Variants in CSRP2 observed in about 807,000 individuals in gnomAD.
The protein encoded by CSRP2 is cysteine and glycine rich protein 2, also known as cysteine and glycine-rich protein 2.
In CSRP2, 18 loss-of-function variants were observed where a neutral mutation model predicts 24.6. The ratio of observed to expected loss-of-function variants is 0.73; its 90% CI spans 0.51 to 1.09. The LOEUF is 1.09. Among genes scored for constraint, CSRP2 ranks in the 50% least tolerant of loss-of-function variants. The probability of loss-of-function intolerance (pLI) is 0.00; values close to 1 mark genes in which losing one functional copy is unlikely to be tolerated. For missense variants in CSRP2, 215 were observed against 239.4 expected, an observed-to-expected ratio of 0.90 and a Z score of 0.67; for synonymous variants, 87 against 84.3, an observed-to-expected ratio of 1.03 and a Z score of -0.18.
chr12:76,868,940 A>AAG (rs201186505), intron 1 of CSRP2, among the ~76,000 whole-genome samples: 2,005 of 148,772 alleles, frequency 0.013, 43 homozygotes, highest in African/African-American at 0.047. Context: ...CTCAAAAGAA[A>AAG]AAAAAAAAAA....
chr12:76,868,110 TGATG>T (rs1299896618), intron 1 of CSRP2, among the ~76,000 whole-genome samples: 1 of 152,224 alleles, frequency 6.6e-6, no homozygotes, highest in Non-Finnish European at 1.5e-5. Context: ...GGTCTCCTGG[TGATG>T]GATGGGCCAC....
chr12:76,877,098 C>T (rs1352139697), intron 1 of CSRP2, among the ~76,000 whole-genome samples: 1 of 152,214 alleles, frequency 6.6e-6, no homozygotes, highest in Non-Finnish European at 1.5e-5. Flanking sequence ...ATAGGGGGCT[C>T]CCTTTTGGGG....
At chr12:76,873,801 C>T (rs1216453709) in intron 1 of CSRP2, among the ~76,000 whole-genome samples, 1 of 152,150 alleles carries the variant, frequency 6.6e-6, no homozygotes, top group African/African-American at 2.4e-5. Context: ...TTCCTTATCC[C>T]CCAAACCCTC....
chr12:76,877,169 C>T (rs771329748), intron 1 of CSRP2, among the ~76,000 whole-genome samples: 10 of 152,196 alleles, frequency 6.6e-5, no homozygotes, highest in Non-Finnish European at 1.5e-4. Context: ...ATCACTATAG[C>T]AATTTAGTGT....
Position 76,866,219 on chromosome 12 carries a change from C to T in CSRP2, c.42G>A (p.Gly14=), listed in dbSNP as rs1250833374. ...CCTCTTCTGCGTGGTACACGGTCCT[C>T]CCACAGGCCCCACACTTGTTTCCAC... ...WGGGNKCGAC[G]RTVYHAEEVQ... Residue 14 remains glycine (G), a synonymous_variant, in exon 2 of 6, where the codon GGG becomes GGA. Transcript: ENST00000311083. The T allele has an allele frequency of 6.2e-7, 1 of 1,614,004 alleles. No homozygotes were observed. The highest frequency in any genetic ancestry group is 8.5e-7 in the Non-Finnish European group (1 of 1,180,024).
chr12:76,859,437 A>C (rs1259063815), intron 5 of CSRP2, 110 bp downstream of exon 5: 1 of 731,066 alleles, frequency 1.4e-6, no homozygotes, highest in African/African-American at 1.8e-5. Flanking sequence ...TTATTTTCAG[A>C]AAATAGTGGC....
chr12:76,859,235 T>A (rs1478247891), intron 5 of CSRP2, among the ~76,000 whole-genome samples: 5 of 152,244 alleles, frequency 3.3e-5, no homozygotes, highest in African/African-American at 2.4e-5. Context: ...TTCAGCGTGG[T>A]CCTGCTGAGT....
intron 1 of CSRP2, among the ~76,000 whole-genome samples, chr12:76,870,446 C>T (rs1206380912): frequency 2.6e-5 from 4 of 152,204 alleles, no homozygotes; most frequent in Non-Finnish European, 1.5e-5. Flanking sequence ...GTAAATGTGT[C>T]AGCTTTTCAG....
At chr12:76,872,117 G>T (rs1177831305) in intron 1 of CSRP2, among the ~76,000 whole-genome samples, 1 of 152,178 alleles carries the variant, frequency 6.6e-6, no homozygotes, top group Non-Finnish European at 1.5e-5. Flanking sequence ...TCTCAGTCTT[G>T]TTCCTTGTTT....
chr12:76,873,203 C>T (rs1953819004), intron 1 of CSRP2, among the ~76,000 whole-genome samples: 1 of 152,196 alleles, frequency 6.6e-6, no homozygotes, highest in Admixed American at 6.5e-5. Context: ...TGACTATAAT[C>T]CAATTTCCCC....
chr12:76,866,303 C>T (rs767971178), intron 1 of CSRP2, 42 bp from the exon 2 acceptor site: 16 of 1,519,382 alleles, frequency 1.1e-5, no homozygotes, highest in East Asian at 2.3e-5. Context: ...CTGTGCTGGT[C>T]GTACGGCTCC....
chr12:76,863,234 G>A lies in CSRP2; in HGVS notation c.223C>T (p.Gln75Ter). Residue 75 changes from glutamine (Q) to a stop codon, truncating the protein, a stop_gained, in exon 3 of 6, where the codon CAG (glutamine) becomes TAG (stop). Coordinates refer to ENST00000311083, the MANE Select transcript of CSRP2 (RefSeq NM_001321.3). LOFTEE classifies it high-confidence loss of function. ...TCCATGTTAAGCGTGCCAGCGCCCT[G>A]GCCATAACCGTAGCCTTTTGGCCCA... ...KYGPKGYGYG[Q>*]GAGTLNMDRG... The A allele has an allele frequency of 2.5e-6, 4 of 1,614,218 alleles. No individual in the cohort carries two copies. The highest frequency in any genetic ancestry group is 2.5e-6 in the Non-Finnish European group (3 of 1,180,042).
intron 1 of CSRP2, among the ~76,000 whole-genome samples, chr12:76,875,253 C>T (rs1300203955): frequency 2.0e-5 from 3 of 152,150 alleles, no homozygotes; most frequent in African/African-American, 7.2e-5. Context: ...TTTTATTACC[C>T]CTCTCTGCTA....
chr12:76,877,968 CCCCA>C lies in CSRP2; in HGVS notation c.-2+966_-2+969del, dbSNP rs201516485. Reference sequence around the variant, plus strand: ...ATTACTAACTGCCCCCGCCCCACCCCCCCACCCCCCAAAAAAAATTCTGTACCGA... The same window carrying C: ...ATTACTAACTGCCCCCGCCCCACCCCCCCCCCAAAAAAAATTCTGTACCGA... On this transcript the variant is annotated intron_variant, in intron 1 of 5. Transcript: ENST00000311083. Among the ~76,000 whole-genome samples, 1,111 of 119,114 alleles carry C rather than the reference CCCCA, an allele frequency of 9.3e-3. 17 individuals are homozygous for C. Among genetic ancestry groups the C allele is most frequent in the African/African-American group, 0.033 (1,058 of 32,392 alleles). The allele number at this position is 119,114 out of a possible 152,430, so 78.1% of individuals were successfully genotyped here. A position where few individuals can be genotyped will look rare whatever the true frequency, so the allele number is the denominator to read the frequency against.
At chr12:76,871,634 G>C (rs574232716) in intron 1 of CSRP2, among the ~76,000 whole-genome samples, 2 of 152,132 alleles carry the variant, frequency 1.3e-5, no homozygotes, top group South Asian at 4.1e-4. Context: ...CGCGGTGGCA[G>C]GTGCCTGTAG....
At chr12:76,872,182 C>CA (rs778972979) in intron 1 of CSRP2, among the ~76,000 whole-genome samples, 4 of 152,156 alleles carry the variant, frequency 2.6e-5, no homozygotes, top group Non-Finnish European at 4.4e-5. Flanking sequence ...TTACATGTTA[C>CA]AACGTGATTT....
rs1401578274 is a variant in CSRP2 at position 76,863,243 on chromosome 12, C to T, written c.214G>A (p.Gly72Ser). 6 of 1,614,242 alleles carry T rather than the reference C, an allele frequency of 3.7e-6. No homozygotes were observed. Among genetic ancestry groups the T allele is most frequent in the Non-Finnish European group, 5.1e-6 (6 of 1,180,044 alleles). Residue 72 changes from glycine (G) to serine (S), a missense_variant, in exon 3 of 6, where the codon GGT becomes AGT. Coordinates refer to ENST00000311083, the MANE Select transcript of CSRP2 (RefSeq NM_001321.3). The stretch of plus-strand genomic sequence containing the variant: ...AGCGTGCCAGCGCCCTGGCCATAAC[C>T]GTAGCCTTTTGGCCCATACTTCTTT... Reference protein sequence around the residue: ...YGKKYGPKGYGYGQGAGTLNM... With the variant: ...YGKKYGPKGYSYGQGAGTLNM...
chr12:76,859,383 A>C, intron 5 of CSRP2, 164 bp downstream of exon 5: 2 of 611,962 alleles, frequency 3.3e-6, no homozygotes, highest in South Asian at 4.3e-5. Flanking sequence ...ATGATCAGGA[A>C]CTTAACTGTG....
At chr12:76,862,832 C>T (rs2137824253) in intron 3 of CSRP2, 1 of 1,513,880 alleles carries the variant, frequency 6.6e-7, no homozygotes. Flanking sequence ...AAACACCTCT[C>T]ATGATTCACA....
Sources: allele counts gnomAD v4.1 joint callset (sites outside exome capture counted in the v4.1 genomes callset), GRCh38; gene constraint gnomAD v4.1.1; transcripts MANE v1.5; gene names NCBI Gene and HGNC (gene_info 2026-07-23, HGNC 2026-07-21).